Variants in FRMPD3 observed in about 807,000 individuals in gnomAD.
The protein encoded by FRMPD3 is FERM and PDZ domain-containing protein 3.
Under a neutral mutation model 97.9 loss-of-function variants are expected in FRMPD3, and 42 were observed. That is an observed-to-expected ratio of 0.43 (90% CI 0.34 to 0.55). FRMPD3 has a LOEUF of 0.55. Among genes scored for constraint, FRMPD3 ranks in the 20% least tolerant of loss-of-function variants. FRMPD3 has a pLI of 0.03. For synonymous variants in FRMPD3, 577 were observed against 581.1 expected (o/e 0.99, Z 0.10); for missense variants, 1,303 against 1,457.7 (o/e 0.89, Z 1.73).
At chrX:107,546,293 A>G (rs964498193) in intron 5 of FRMPD3, among the ~76,000 whole-genome samples, 4 of 111,639 alleles carry the variant, frequency 3.6e-5, no homozygotes, top group African/African-American at 1.3e-4. Context: ...AAAGTTGCCT[A>G]AAGGAAATGA....
chrX:107,525,711 ACATTT>A (rs1283489419), intron 1 of FRMPD3: 1 of 553,092 alleles, frequency 1.8e-6, no homozygotes, highest in Non-Finnish European at 3.3e-6. Flanking sequence ...AGACATTAGC[ACATTT>A]ATTTATATAT....
chrX:107,531,758 C>A (rs1028214524), intron 3 of FRMPD3, among the ~76,000 whole-genome samples: 23 of 111,846 alleles, frequency 2.1e-4, no homozygotes, highest in Non-Finnish European at 3.4e-4. Flanking sequence ...GAGGTGAGTT[C>A]TTTCTATCCT....
chrX:107,541,740 A>G (rs1022055896), intron 4 of FRMPD3, among the ~76,000 whole-genome samples: 3 of 112,005 alleles, frequency 2.7e-5, no homozygotes, highest in Non-Finnish European at 5.6e-5. Flanking sequence ...AGTCCATTAC[A>G]TAACACCAAG....
intron 1 of FRMPD3, among the ~76,000 whole-genome samples, chrX:107,489,944 T>C (rs920930976): frequency 8.9e-6 from 1 of 112,004 alleles, no homozygotes; most frequent in African/African-American, 3.2e-5. Context: ...TTGCCTAGGT[T>C]TTCTTCTAGG....
At chrX:107,501,550 A>T (rs1165624000) in intron 1 of FRMPD3, among the ~76,000 whole-genome samples, 1 of 86,602 alleles carries the variant, frequency 1.2e-5, no homozygotes, top group African/African-American at 4.2e-5. Context: ...CTATTTTTAT[A>T]TCTTCTTTTC....
chrX:107,516,587 A>G (rs1922338026), intron 1 of FRMPD3, among the ~76,000 whole-genome samples: 1 of 111,922 alleles, frequency 8.9e-6, no homozygotes, highest in Non-Finnish European at 1.9e-5. Context: ...GTGAGATGGT[A>G]TCTCACTGTG....
chrX:107,523,451 G>T (rs1922577526), intron 1 of FRMPD3, among the ~76,000 whole-genome samples: 1 of 111,926 alleles, frequency 8.9e-6, no homozygotes, highest in Non-Finnish European at 1.9e-5. Flanking sequence ...TTTGGTTCTT[G>T]CCTCTCTCCC....
chrX:107,517,071 A>T (rs1922357274), intron 1 of FRMPD3, among the ~76,000 whole-genome samples: 1 of 111,779 alleles, frequency 8.9e-6, no homozygotes, highest in Non-Finnish European at 1.9e-5. Context: ...TAAGGAAGGG[A>T]TCCAGTTTCA....
At chrX:107,592,091 C>T (rs978030305) in intron 13 of FRMPD3, among the ~76,000 whole-genome samples, 2 of 110,508 alleles carry the variant, frequency 1.8e-5, no homozygotes, top group Non-Finnish European at 3.8e-5. Flanking sequence ...CACCCCCTCC[C>T]GCCCTTCCCC....
Position 107,601,582 on chromosome X carries a change from G to A in FRMPD3, c.3543G>A (p.Gln1181=), listed in dbSNP as rs1156708044. The change falls in exon 15 of 15, where the codon CAG becomes CAA. Residue 1181 remains glutamine (Q), a synonymous_variant. Coordinates refer to ENST00000683843, the MANE Select transcript of FRMPD3 (RefSeq NM_001388459.1). ...SPLRSQAASR[Q]VSTMPSRKLE... ...TGAGGTCTCAGGCTGCCAGCCGGCAGGTGAGCACCATGCCCTCTAGGAAGC... is the reference window on the plus strand; with the variant it reads ...TGAGGTCTCAGGCTGCCAGCCGGCAAGTGAGCACCATGCCCTCTAGGAAGC... 7.5e-6 allele frequency: 9 copies of A among 1,204,365 alleles called. No homozygotes were observed. The East Asian group carries it at 1.8e-4, about 24-fold the overall frequency.
Position 107,601,260 on chromosome X carries a change from G to A in FRMPD3, c.3221G>A (p.Gly1074Asp), listed in dbSNP as rs776664223. The A allele has an allele frequency of 1.7e-6, 2 of 1,208,278 alleles. No homozygotes were observed. The highest frequency in any genetic ancestry group is 2.2e-5 in the Admixed American group (1 of 45,744). Residue 1074 changes from glycine to aspartate, a missense_variant, in exon 15 of 15, where the codon GGC becomes GAC. Transcript: ENST00000683843. ...YLLRTSRESV[G>D]KQATGEVAGK... is the part of the protein sequence containing the mutation. ...TTGCGAACAAGCCGAGAGTCAGTGGGCAAGCAAGCTACAGGGGAGGTGGCA... is the reference window on the plus strand; with the variant it reads ...TTGCGAACAAGCCGAGAGTCAGTGGACAAGCAAGCTACAGGGGAGGTGGCA...
chrX:107,574,780 C>G (rs1453215807), intron 12 of FRMPD3, among the ~76,000 whole-genome samples: 1 of 112,184 alleles, frequency 8.9e-6, no homozygotes, highest in Non-Finnish European at 1.9e-5. Flanking sequence ...CTAACCACCT[C>G]TCTCCTAGAC....
intron 13 of FRMPD3, among the ~76,000 whole-genome samples, chrX:107,588,694 C>T (rs1272902177): frequency 8.9e-6 from 1 of 112,139 alleles, no homozygotes; most frequent in East Asian, 2.8e-4. Context: ...TCCATTCTCC[C>T]TGTCTCCTTG....
intron 1 of FRMPD3, among the ~76,000 whole-genome samples, chrX:107,498,434 C>T (rs1921826525): frequency 8.9e-6 from 1 of 111,946 alleles, no homozygotes; most frequent in African/African-American, 3.3e-5. Flanking sequence ...TAGTCTTCCA[C>T]ACAAGACTGG....
chrX:107,511,540 G>A (rs1450587239), intron 1 of FRMPD3, among the ~76,000 whole-genome samples: 6 of 112,997 alleles, frequency 5.3e-5, no homozygotes, highest in African/African-American at 1.6e-4. Context: ...CCAGGCCATC[G>A]ATGCCTTAGT....
intron 1 of FRMPD3, among the ~76,000 whole-genome samples, chrX:107,506,115 G>A (rs1004565986): frequency 8.9e-6 from 1 of 112,198 alleles, no homozygotes; most frequent in Non-Finnish European, 1.9e-5. Flanking sequence ...ATGCCACCTG[G>A]ACTGAGACTT....
At chrX:107,556,262 C>T (rs1484828954) in intron 8 of FRMPD3, among the ~76,000 whole-genome samples, 2 of 110,674 alleles carry the variant, frequency 1.8e-5, no homozygotes, top group South Asian at 3.9e-4. Context: ...TTCTAGGAGG[C>T]AATGAGTTGT....
chrX:107,463,732 C>G (rs773764360), intron 1 of FRMPD3, among the ~76,000 whole-genome samples: 42 of 112,883 alleles, frequency 3.7e-4, no homozygotes, highest in African/African-American at 1.3e-3. Context: ...ATTAATCACT[C>G]CTTTGAGTTA....
At chrX:107,498,561 A>G (rs143685574) in intron 1 of FRMPD3, among the ~76,000 whole-genome samples, 3 of 112,066 alleles carry the variant, frequency 2.7e-5, no homozygotes, top group East Asian at 2.8e-4. Context: ...TAGCATCCCA[A>G]TGCTGGAAAT....
Sources: allele counts gnomAD v4.1 joint callset (sites outside exome capture counted in the v4.1 genomes callset), GRCh38; gene constraint gnomAD v4.1.1; transcripts MANE v1.5; gene names NCBI Gene and HGNC (gene_info 2026-07-23, HGNC 2026-07-21).